The following SETBP1 variants were observed in gnomAD, a reference collection of about 807,000 sequenced individuals.
The protein encoded by SETBP1 is SET binding protein 1.
Under a neutral mutation model 101.0 loss-of-function variants are expected in SETBP1, and 9 were observed. That is an observed-to-expected ratio of 0.09 (90% CI 0.05 to 0.16). SETBP1 has a LOEUF of 0.16. Among genes scored for constraint, SETBP1 ranks in the 10% least tolerant of loss-of-function variants. The probability of loss-of-function intolerance (pLI) is 1.00; values close to 1 mark genes in which losing one functional copy is unlikely to be tolerated. For missense variants in SETBP1, 1,858 were observed against 2,033.8 expected (o/e 0.91, Z 1.66); for synonymous variants, 818 against 788.5 (o/e 1.04, Z -0.63).
intron 5 of SETBP1, among the ~76,000 whole-genome samples, chr18:45,060,576 G>T (rs2073875300): frequency 1.3e-5 from 2 of 152,168 alleles, no homozygotes; most frequent in African/African-American, 4.8e-5. Context: ...TGCTAAATGT[G>T]AATGGTGGGC....
chr18:45,017,883 C>T (rs1336057841), intron 4 of SETBP1, among the ~76,000 whole-genome samples: 1 of 152,180 alleles, frequency 6.6e-6, no homozygotes, highest in African/African-American at 2.4e-5. Context: ...AAAGAAACTG[C>T]AAAGTTAGGA....
At chr18:44,923,141 C>T (rs191412973) in intron 3 of SETBP1, among the ~76,000 whole-genome samples, 50 of 152,326 alleles carry the variant, frequency 3.3e-4, no homozygotes, top group African/African-American at 1.2e-3. Context: ...ATCACCTCAT[C>T]TGACCATATG....
At chr18:45,051,733 A>AGCTGGTT (rs1260724226) in intron 5 of SETBP1, among the ~76,000 whole-genome samples, 1 of 152,076 alleles carries the variant, frequency 6.6e-6, no homozygotes, top group East Asian at 1.9e-4. Context: ...TAAATGTTCA[A>AGCTGGTT]GCTGGTTTTC....
At chr18:44,853,782 A>G (rs1484417851) in intron 2 of SETBP1, among the ~76,000 whole-genome samples, 1 of 152,206 alleles carries the variant, frequency 6.6e-6, no homozygotes, top group Non-Finnish European at 1.5e-5. Context: ...TTTCTACATT[A>G]TAAACTGCAG....
intron 2 of SETBP1, among the ~76,000 whole-genome samples, chr18:44,809,408 C>A (rs1267683822): frequency 1.3e-5 from 2 of 152,168 alleles, no homozygotes; most frequent in Non-Finnish European, 2.9e-5. Flanking sequence ...TCTGGACATA[C>A]ATGTCTCAGA....
intron 5 of SETBP1, among the ~76,000 whole-genome samples, chr18:45,039,183 G>T (rs745529554): frequency 6.6e-6 from 1 of 152,030 alleles, no homozygotes; most frequent in African/African-American, 2.4e-5. Context: ...TTGATGCATC[G>T]GTACCTTCTA....
chr18:44,844,493 G>C (rs2072686230), intron 2 of SETBP1, among the ~76,000 whole-genome samples: 2 of 152,226 alleles, frequency 1.3e-5, no homozygotes, highest in Non-Finnish European at 2.9e-5. Context: ...GAACCTGAGT[G>C]TGTTGCAGGA....
At chr18:44,939,983 A>G (rs2071050752) in intron 3 of SETBP1, among the ~76,000 whole-genome samples, 1 of 152,194 alleles carries the variant, frequency 6.6e-6, no homozygotes, top group Admixed American at 6.5e-5. Context: ...AATTACTGAG[A>G]GAGGAGTGTT....
At chr18:44,711,150 AT>A (rs1470461557) in intron 2 of SETBP1, among the ~76,000 whole-genome samples, 15 of 152,138 alleles carry the variant, frequency 9.9e-5, no homozygotes, top group African/African-American at 3.6e-4. Context: ...CCAGAGCCCT[AT>A]ATTGCAAGAG....
At chr18:44,897,374 GT>G (rs1333353372) in intron 3 of SETBP1, among the ~76,000 whole-genome samples, 1 of 152,022 alleles carries the variant, frequency 6.6e-6, no homozygotes, top group Non-Finnish European at 1.5e-5. Flanking sequence ...AGACAATATG[GT>G]GCTTCTATTG....
chr18:44,956,351 T>C (rs1054023386), intron 4 of SETBP1, among the ~76,000 whole-genome samples: 12 of 152,126 alleles, frequency 7.9e-5, no homozygotes, highest in African/African-American at 2.4e-4. Flanking sequence ...CTTAATGTGA[T>C]AGACTCTGAA....
intron 3 of SETBP1, among the ~76,000 whole-genome samples, chr18:44,922,399 A>C (rs2070603534): frequency 6.6e-6 from 1 of 152,256 alleles, no homozygotes; most frequent in Non-Finnish European, 1.5e-5. Flanking sequence ...CTTTCTAATA[A>C]ACTATATTCT....
chr18:44,786,471 A>G (rs935995107), intron 2 of SETBP1, among the ~76,000 whole-genome samples: 2 of 152,222 alleles, frequency 1.3e-5, no homozygotes, highest in Non-Finnish European at 2.9e-5. Context: ...GTACTGTTCT[A>G]TAGTCATAAG....
chr18:44,909,166 G>A (rs1040171584), intron 3 of SETBP1, among the ~76,000 whole-genome samples: 1 of 152,204 alleles, frequency 6.6e-6, no homozygotes, highest in Non-Finnish European at 1.5e-5. Context: ...AGGAGCAATT[G>A]AAAGGAAGGA....
At chr18:45,016,173 G>C (rs984126051) in intron 4 of SETBP1, among the ~76,000 whole-genome samples, 2 of 152,196 alleles carry the variant, frequency 1.3e-5, no homozygotes, top group East Asian at 3.8e-4. Flanking sequence ...TCATATGAAC[G>C]GGGCTGGTGA....
At chr18:44,816,288 G>A (rs2071974775) in intron 2 of SETBP1, among the ~76,000 whole-genome samples, 1 of 152,154 alleles carries the variant, frequency 6.6e-6, no homozygotes, top group South Asian at 2.1e-4. Context: ...CGAAGGGGAG[G>A]GGCTGTGTAG....
intron 4 of SETBP1, among the ~76,000 whole-genome samples, chr18:45,020,440 C>G (rs551859312): frequency 6.6e-6 from 1 of 152,200 alleles, no homozygotes; most frequent in East Asian, 1.9e-4. Flanking sequence ...AAACCCATTA[C>G]ACTTTATTTG....
intron 2 of SETBP1, among the ~76,000 whole-genome samples, chr18:44,862,511 C>T (rs922148071): frequency 9.9e-5 from 15 of 152,170 alleles, no homozygotes; most frequent in Non-Finnish European, 8.8e-5. Flanking sequence ...CACTACCCGT[C>T]CACTGCCACC....
At chr18:44,768,082 G>A (rs2070796414) in intron 2 of SETBP1, among the ~76,000 whole-genome samples, 1 of 152,164 alleles carries the variant, frequency 6.6e-6, no homozygotes, top group Non-Finnish European at 1.5e-5. Flanking sequence ...TCACTTTGGT[G>A]TCTCTGTATA....
Sources: allele counts gnomAD v4.1 joint callset (sites outside exome capture counted in the v4.1 genomes callset), GRCh38; gene constraint gnomAD v4.1.1; transcripts MANE v1.5; gene names NCBI Gene and HGNC (gene_info 2026-07-23, HGNC 2026-07-21).